The following FBXO4 variants were observed in gnomAD, a reference collection of about 807,000 sequenced individuals.
FBXO4 encodes F-box only protein 4.
In FBXO4, 36 loss-of-function variants were observed where a neutral mutation model predicts 43.7. That is an observed-to-expected ratio of 0.82 (90% CI 0.63 to 1.09). The LOEUF is 1.09. Among genes scored for constraint, FBXO4 ranks in the 50% least tolerant of loss-of-function variants. The pLI is 0.00. For missense variants in FBXO4, 435 were observed against 474.1 expected, an observed-to-expected ratio of 0.92 and a Z score of 0.77; for synonymous variants, 180 against 165.6, an observed-to-expected ratio of 1.09 and a Z score of -0.67.
the FBXO4 span, among the ~76,000 whole-genome samples, chr5:41,979,124 C>T: frequency 3.3e-5 from 5 of 152,162 alleles, no homozygotes; most frequent in Non-Finnish European, 7.3e-5. Flanking sequence ...GATTTTGCCT[C>T]TATGTCTTAG....
At chr5:41,926,486 T>A (rs1158650971) in intron 1 of FBXO4, among the ~76,000 whole-genome samples, 1 of 152,194 alleles carries the variant, frequency 6.6e-6, no homozygotes, top group African/African-American at 2.4e-5. Flanking sequence ...GGCAGGAGCA[T>A]GGCGTGAACC....
At chr5:41,999,446 A>AGTGTGTGTGTGT in the FBXO4 span, among the ~76,000 whole-genome samples, 21 of 107,728 alleles carry the variant, frequency 1.9e-4, no homozygotes, top group African/African-American at 6.6e-4. Flanking sequence ...TATATATGTG[A>AGTGTGTGTGTGT]GTGTGTGTGT....
the FBXO4 span, among the ~76,000 whole-genome samples, chr5:42,028,450 CAA>C: frequency 6.6e-6 from 1 of 151,614 alleles, no homozygotes; most frequent in Non-Finnish European, 1.5e-5. Flanking sequence ...GACAACAGAT[CAA>C]TCGGTCTTTC....
the FBXO4 span, among the ~76,000 whole-genome samples, chr5:42,010,263 G>A: frequency 0.01 from 1,588 of 152,228 alleles, 73 homozygotes; most frequent in Admixed American, 0.072. Context: ...ACTTTGGGAG[G>A]CCAAGGTGGG....
intron 2 of FBXO4, among the ~76,000 whole-genome samples, chr5:41,929,029 T>C (rs1751597223): frequency 6.6e-6 from 1 of 152,248 alleles, no homozygotes; most frequent in Non-Finnish European, 1.5e-5. Context: ...TAAACTGTTA[T>C]ATTTGAGGCT....
chr5:41,965,472 G>A, the FBXO4 span, among the ~76,000 whole-genome samples: 1 of 152,112 alleles, frequency 6.6e-6, no homozygotes, highest in African/African-American at 2.4e-5. Context: ...AATTACCTCG[G>A]GCAGTATGGC....
At chr5:42,019,487 GA>G in the FBXO4 span, among the ~76,000 whole-genome samples, 1 of 152,058 alleles carries the variant, frequency 6.6e-6, no homozygotes, top group Admixed American at 6.6e-5. Context: ...TCAAGAGTTT[GA>G]GACCAGCCTG....
At chr5:41,966,767 G>A in the FBXO4 span, among the ~76,000 whole-genome samples, 6 of 151,846 alleles carry the variant, frequency 4.0e-5, no homozygotes, top group African/African-American at 1.5e-4. Context: ...AAAAGGTTTG[G>A]TACCTAAAAT....
the FBXO4 span, among the ~76,000 whole-genome samples, chr5:41,999,527 A>ATGTATATATG: frequency 0.035 from 3,832 of 111,030 alleles, 103 homozygotes; most frequent in African/African-American, 0.072. Context: ...ATATATACAT[A>ATGTATATATG]TATATATACA....
chr5:41,964,781 T>C, the FBXO4 span, among the ~76,000 whole-genome samples: 12 of 152,156 alleles, frequency 7.9e-5, no homozygotes, highest in Non-Finnish European at 1.5e-5. Context: ...TTCTGGATAT[T>C]AGCCCTTTGT....
At chr5:42,033,963 T>G in the FBXO4 span, among the ~76,000 whole-genome samples, 44 of 152,352 alleles carry the variant, frequency 2.9e-4, no homozygotes, top group African/African-American at 1.0e-3. Flanking sequence ...TTGAATTAAT[T>G]TACATTCATT....
At chr5:42,016,725 G>A in the FBXO4 span, among the ~76,000 whole-genome samples, 3 of 151,832 alleles carry the variant, frequency 2.0e-5, no homozygotes, top group Non-Finnish European at 2.9e-5. Context: ...TAGTGATCTG[G>A]TTGTAAAATT....
the FBXO4 span, among the ~76,000 whole-genome samples, chr5:41,992,049 G>T: frequency 6.6e-6 from 1 of 152,164 alleles, no homozygotes; most frequent in Non-Finnish European, 1.5e-5. Flanking sequence ...TTGCACTCCA[G>T]CCTCAGCAAC....
chr5:42,027,052 C>T, the FBXO4 span, among the ~76,000 whole-genome samples: 1 of 151,822 alleles, frequency 6.6e-6, no homozygotes, highest in Non-Finnish European at 1.5e-5. Flanking sequence ...CGGGGTAATG[C>T]TGGCCTCATA....
At chr5:41,941,776 A>G (rs1752010025), downstream of FBXO4, 1 of 152,808 alleles carries the variant, frequency 6.5e-6, no homozygotes, top group East Asian at 1.9e-4. Context: ...TTATGGCCAT[A>G]CAATCTGTCT....
the FBXO4 span, among the ~76,000 whole-genome samples, chr5:41,948,979 T>C: frequency 2.6e-5 from 4 of 152,170 alleles, no homozygotes; most frequent in Admixed American, 1.3e-4. Context: ...ATTATCTCAA[T>C]AGAGGCAGAA....
chr5:42,019,709 C>A, the FBXO4 span, among the ~76,000 whole-genome samples: 1 of 150,052 alleles, frequency 6.7e-6, no homozygotes, highest in Non-Finnish European at 1.5e-5. Context: ...AAAAAAAAAC[C>A]AAGAAAGAAA....
chr5:41,956,008 G>A, the FBXO4 span, among the ~76,000 whole-genome samples: 23 of 152,022 alleles, frequency 1.5e-4, no homozygotes, highest in Non-Finnish European at 2.5e-4. Context: ...CCAGATCAAC[G>A]TTTAAGAATA....
the FBXO4 span, among the ~76,000 whole-genome samples, chr5:41,965,400 T>G: frequency 2.0e-5 from 3 of 152,090 alleles, no homozygotes; most frequent in Non-Finnish European, 4.4e-5. Context: ...CTTTAAAGTA[T>G]TTTTTTCCAA....
Sources: gnomAD v4.1 joint callset for allele counts (sites outside exome capture counted in the v4.1 genomes callset) on GRCh38, gnomAD v4.1.1 for gene constraint, MANE v1.5 for transcripts, NCBI Gene and HGNC (gene_info 2026-07-23, HGNC 2026-07-21) for gene names.